BEND2: variants seen among roughly 807,000 people sequenced by gnomAD.
BEND2 encodes BEN domain containing 2.
BEND2 carries 19 observed loss-of-function variants against 43.8 expected under a neutral mutation model. The observed-to-expected ratio is 0.43, with a 90% CI of 0.30 to 0.64. BEND2 has a LOEUF of 0.64. Among genes scored for constraint, BEND2 ranks in the 30% least tolerant of loss-of-function variants. The pLI is 0.11. For missense variants in BEND2, 544 were observed against 574.0 expected, an observed-to-expected ratio of 0.95 and a Z score of 0.53; for synonymous variants, 226 against 210.1, an observed-to-expected ratio of 1.08 and a Z score of -0.66.
chrX:18,211,304 T>A (rs7878022), intron 4 of BEND2, among the ~76,000 whole-genome samples: 1 of 111,997 alleles, frequency 8.9e-6, no homozygotes, highest in African/African-American at 3.3e-5. Flanking sequence ...TAAAACAGTA[T>A]GACCACTTAG....
intron 13 of BEND2, among the ~76,000 whole-genome samples, chrX:18,167,412 A>G (rs1923852014): frequency 8.9e-6 from 1 of 112,287 alleles, no homozygotes; most frequent in Non-Finnish European, 1.9e-5. Context: ...TGCAGCAAAA[A>G]ATATATTTAT....
chrX:18,216,351 C>A (rs1925672962), intron 2 of BEND2, among the ~76,000 whole-genome samples, 170 bp downstream of exon 2: 1 of 110,166 alleles, frequency 9.1e-6, no homozygotes, highest in African/African-American at 3.3e-5. Context: ...CATGGCAAAG[C>A]TTAAGTGAAG....
At chrX:18,199,461 G>C (rs776092070) in intron 6 of BEND2, among the ~76,000 whole-genome samples, 67 of 111,565 alleles carry the variant, frequency 6.0e-4, no homozygotes, top group African/African-American at 2.2e-3. Context: ...AAATTTCATA[G>C]AACTAAATAC....
intron 7 of BEND2, among the ~76,000 whole-genome samples, chrX:18,192,077 T>G (rs1924789747): frequency 8.9e-6 from 1 of 112,232 alleles, no homozygotes; most frequent in Non-Finnish European, 1.9e-5. Flanking sequence ...CATTTCAATC[T>G]CACCAAAATT....
At chrX:18,197,650 C>T (rs1243465885) in intron 6 of BEND2, among the ~76,000 whole-genome samples, 1 of 110,869 alleles carries the variant, frequency 9.0e-6, no homozygotes, top group Non-Finnish European at 1.9e-5. Flanking sequence ...GTTTTCCAGC[C>T]TGGTTTCTGC....
chrX:18,200,257 C>T, intron 6 of BEND2, among the ~76,000 whole-genome samples: 1 of 111,168 alleles, frequency 9.0e-6, no homozygotes, highest in South Asian at 3.8e-4. Flanking sequence ...AGTCTCAGCA[C>T]TTTGGGAGGC....
intron 8 of BEND2, among the ~76,000 whole-genome samples, chrX:18,188,897 T>A (rs1924660027): frequency 8.9e-6 from 1 of 111,779 alleles, no homozygotes; most frequent in African/African-American, 3.3e-5. Flanking sequence ...GAAATAGAAT[T>A]CAACAATACA....
At chrX:18,208,179 A>G (rs951224048) in intron 4 of BEND2, among the ~76,000 whole-genome samples, 1 of 110,780 alleles carries the variant, frequency 9.0e-6, no homozygotes, top group African/African-American at 3.3e-5. Context: ...AAGAAACTTC[A>G]TTGTTCTATT....
chrX:18,180,886 T>A (rs1215473187), intron 8 of BEND2, among the ~76,000 whole-genome samples: 1 of 109,544 alleles, frequency 9.1e-6, no homozygotes, highest in Non-Finnish European at 1.9e-5. Context: ...GCAATTCTCA[T>A]GCCTTAGCCT....
chrX:18,190,170 T>C (rs1303741499), intron 8 of BEND2, among the ~76,000 whole-genome samples: 1 of 112,072 alleles, frequency 8.9e-6, no homozygotes, highest in African/African-American at 3.2e-5. Context: ...TGACGGTTTC[T>C]TATAAAACTA....
At chrX:18,189,235 T>C (rs968136320) in intron 8 of BEND2, among the ~76,000 whole-genome samples, 10 of 104,724 alleles carry the variant, frequency 9.5e-5, no homozygotes, top group Non-Finnish European at 1.8e-4. Context: ...TGGATGGCCA[T>C]GGGGTCTCAT....
At chrX:18,206,421 A>G (rs186114436) in intron 4 of BEND2, among the ~76,000 whole-genome samples, 134 of 111,741 alleles carry the variant, frequency 1.2e-3, no homozygotes, top group African/African-American at 4.0e-3. Context: ...GCGAGTATCA[A>G]TGACATTCCA....
At chrX:18,169,190 T>C (rs1923901143) in intron 13 of BEND2, among the ~76,000 whole-genome samples, 1 of 110,448 alleles carries the variant, frequency 9.1e-6, no homozygotes, top group South Asian at 3.8e-4. Context: ...TACAGAACAA[T>C]ATTATATATT....
intron 6 of BEND2, among the ~76,000 whole-genome samples, chrX:18,198,981 T>C (rs1470113396): frequency 2.1e-4 from 20 of 97,191 alleles, no homozygotes; most frequent in African/African-American, 7.7e-4. Context: ...ATGTTCTCAC[T>C]CATAGATGGG....
At chrX:18,214,389 G>C (rs1365338413) in intron 2 of BEND2, among the ~76,000 whole-genome samples, 2 of 112,128 alleles carry the variant, frequency 1.8e-5, no homozygotes, top group Non-Finnish European at 3.8e-5. Context: ...TGACTGAAAG[G>C]GGGTGGATAG....
intron 10 of BEND2, 133 bp downstream of exon 10, chrX:18,177,436 G>T: frequency 1.5e-6 from 1 of 666,572 alleles, no homozygotes; most frequent in Non-Finnish European, 2.3e-6. Flanking sequence ...ATCAGGGTCA[G>T]ACAGGTGAAA....
At chrX:18,186,319 G>A (rs1282234413) in intron 8 of BEND2, among the ~76,000 whole-genome samples, 2 of 109,911 alleles carry the variant, frequency 1.8e-5, no homozygotes, top group East Asian at 2.9e-4. Context: ...GTAGCCAGGC[G>A]TGGTGGCGGG....
chrX:18,215,370 C>G (rs910375847), intron 2 of BEND2, among the ~76,000 whole-genome samples: 2 of 111,948 alleles, frequency 1.8e-5, no homozygotes, highest in African/African-American at 6.5e-5. Flanking sequence ...AAAGAAGTAT[C>G]CTGCTAGCCC....
In BEND2 at chrX:18,214,320, A is replaced by G. The variant is rs1461996924; in HGVS notation, c.239-409T>C. On this transcript the variant is annotated intron_variant, in intron 2 of 13. Transcript: ENST00000380033. ...CAATTGGTATAAAACTCAAAAACAG[A>G]AAAAAGTAATCTATGGTGGGAGAAG... is the stretch of plus-strand genomic sequence containing the variant. 4.5e-5 allele frequency among the ~76,000 whole-genome samples: 5 copies of G among 111,719 alleles called. No individual in the cohort carries two copies. In the East Asian group the frequency reaches 1.4e-3, roughly 32 times the overall value.
Sources: gnomAD v4.1 joint callset for allele counts (sites outside exome capture counted in the v4.1 genomes callset) on GRCh38, gnomAD v4.1.1 for gene constraint, MANE v1.5 for transcripts, NCBI Gene and HGNC (gene_info 2026-07-23, HGNC 2026-07-21) for gene names.